FBXL2: variants seen among roughly 807,000 people sequenced by gnomAD.
The protein encoded by FBXL2 is F-box and leucine rich repeat protein 2, also known as F-box/LRR-repeat protein 2.
Under a neutral mutation model 69.2 loss-of-function variants are expected in FBXL2, and 38 were observed. The ratio of observed to expected loss-of-function variants is 0.55; its 90% confidence interval spans 0.42 to 0.72. The LOEUF (loss-of-function observed/expected upper bound fraction) is 0.72, where lower values mean the gene tolerates loss of function less well. Ranked by LOEUF, FBXL2 falls within the 30% of genes least tolerant of loss-of-function variation. The pLI is 0.00. For synonymous variants in FBXL2, 192 were observed against 201.3 expected (o/e 0.95, Z 0.39); for missense variants, 354 against 520.3 (o/e 0.68, Z 3.11).
At chr3:33,401,062 T>C in intron 12 of FBXL2, 2 of 1,528,098 alleles carry the variant, frequency 1.3e-6, no homozygotes, top group East Asian at 2.4e-5. Flanking sequence ...TTATAATACA[T>C]ATATGTTTTA....
downstream of FBXL2, chr3:33,392,773 G>A (rs192957291): frequency 3.4e-5 from 22 of 644,192 alleles, no homozygotes; most frequent in Admixed American, 6.5e-4. Context: ...ATGCACACGT[G>A]CTGCACTGCC....
At position 33,378,087 on chromosome 3, in the gene FBXL2, TTG is replaced by T. The variant is rs1407840139; in HGVS notation, c.850-13_850-12del. On this transcript the variant is annotated splice_polypyrimidine_tract_variant and intron_variant, in intron 11 of 14. Coordinates refer to ENST00000484457, the MANE Select transcript of FBXL2 (RefSeq NM_012157.5). ...CACTGACTCACATGTGGGGTGTGTC[TTG>T]TGGACTCTTCCAGAATTGCCACGAA... 4.3e-6 allele frequency: 7 copies of T among 1,614,098 alleles called. No individual in the cohort carries two copies. The highest frequency in any genetic ancestry group is 5.1e-6 in the Non-Finnish European group (6 of 1,179,916).
chr3:33,304,956 C>T (rs939039068), intron 2 of FBXL2, among the ~76,000 whole-genome samples: 3 of 151,872 alleles, frequency 2.0e-5, no homozygotes, highest in East Asian at 1.9e-4. Flanking sequence ...CAGTGAAACA[C>T]GTATTTTTGT....
chr3:33,340,267 G>C (rs2039913001), intron 2 of FBXL2, among the ~76,000 whole-genome samples: 1 of 152,080 alleles, frequency 6.6e-6, no homozygotes, highest in African/African-American at 2.4e-5. Context: ...GTGGATGAAT[G>C]TTATACTTTA....
chr3:33,330,704 A>G (rs1226364350), intron 2 of FBXL2, among the ~76,000 whole-genome samples: 1 of 152,148 alleles, frequency 6.6e-6, no homozygotes, highest in African/African-American at 2.4e-5. Context: ...CCTGGCCAGC[A>G]TGGCAAAACC....
the FBXL2 span, among the ~76,000 whole-genome samples, chr3:33,410,121 C>T: frequency 6.6e-6 from 1 of 152,206 alleles, no homozygotes; most frequent in Non-Finnish European, 1.5e-5. Flanking sequence ...AACCCACTAC[C>T]CATCCTATTC....
downstream of FBXL2, chr3:33,392,697 TC>T: frequency 7.4e-7 from 1 of 1,344,916 alleles, no homozygotes; most frequent in Non-Finnish European, 1.0e-6. Context: ...TAAATATTCT[TC>T]TCAAACAAAC....
intron 13 of FBXL2, among the ~76,000 whole-genome samples, chr3:33,380,666 T>G (rs1045053667): frequency 2.0e-5 from 3 of 152,040 alleles, no homozygotes; most frequent in Non-Finnish European, 4.4e-5. Context: ...TTTGAGAAAT[T>G]CTTTGTGCAA....
the FBXL2 span, among the ~76,000 whole-genome samples, chr3:33,420,894 G>C: frequency 6.6e-6 from 1 of 152,180 alleles, no homozygotes; most frequent in Non-Finnish European, 1.5e-5. Flanking sequence ...AAAATGCTGG[G>C]ATTACAGGTG....
At position 33,387,388 on chromosome 3, in the gene FBXL2, G is replaced by A. The variant is rs947631710; in HGVS notation, c.*1780G>A. 1.3e-5 allele frequency: 2 copies of A among 151,816 alleles called. No individual in the cohort carries two copies. The highest frequency in any genetic ancestry group is 2.0e-4 in the East Asian group (1 of 5,104). The allele number at this position is 151,816 out of a possible 1,614,324, so 9.4% of individuals were successfully genotyped here. A position where few individuals can be genotyped will look rare whatever the true frequency, so the allele number is the denominator to read the frequency against. ...AGGCCAAGGCGGGTGGATCACCTGA[G>A]GTCAGGAGTTTGAGACCAGCCTGGC... is the stretch of plus-strand genomic sequence containing the variant. On this transcript the variant is annotated 3_prime_UTR_variant, in exon 15 of 15. Coordinates refer to ENST00000484457, the MANE Select transcript of FBXL2 (RefSeq NM_012157.5).
At chr3:33,349,452 C>G (rs2040679485) in intron 2 of FBXL2, among the ~76,000 whole-genome samples, 1 of 152,150 alleles carries the variant, frequency 6.6e-6, no homozygotes, top group Non-Finnish European at 1.5e-5. Flanking sequence ...TGGGATAACT[C>G]TCACGTGTTC....
intron 1 of FBXL2, among the ~76,000 whole-genome samples, chr3:33,291,983 G>A (rs2125700684): frequency 6.6e-6 from 1 of 152,206 alleles, no homozygotes; most frequent in South Asian, 2.1e-4. Context: ...GATATACCAT[G>A]CAAAAAGCAT....
At chr3:33,283,914 T>C (rs943330688) in intron 1 of FBXL2, among the ~76,000 whole-genome samples, 3 of 152,254 alleles carry the variant, frequency 2.0e-5, no homozygotes, top group Admixed American at 6.5e-5. Flanking sequence ...TGATCTTTTA[T>C]TGCGTCTATT....
At chr3:33,318,570 G>A (rs2037908511) in intron 2 of FBXL2, among the ~76,000 whole-genome samples, 1 of 152,046 alleles carries the variant, frequency 6.6e-6, no homozygotes, top group Admixed American at 6.6e-5. Flanking sequence ...AGCTTCAGAT[G>A]CATGTTTCCT....
At chr3:33,390,380 G>A, downstream of FBXL2, 1 of 1,613,756 alleles carries the variant, frequency 6.2e-7, no homozygotes, top group Non-Finnish European at 8.5e-7. Flanking sequence ...TGCAGAAAAA[G>A]GAAAGACAGT....
chr3:33,374,601 C>T (rs1341376836), intron 9 of FBXL2, among the ~76,000 whole-genome samples: 2 of 152,142 alleles, frequency 1.3e-5, no homozygotes, highest in Non-Finnish European at 1.5e-5. Context: ...TATGGACAAA[C>T]GTTGACCATA....
intron 12 of FBXL2, among the ~76,000 whole-genome samples, chr3:33,402,190 C>T (rs983021731): frequency 3.3e-5 from 5 of 152,310 alleles, no homozygotes; most frequent in African/African-American, 7.2e-5. Flanking sequence ...AATGGAAAGC[C>T]GCCATGGGGT....
At chr3:33,380,115 C>T (rs1317684317) in intron 13 of FBXL2, among the ~76,000 whole-genome samples, 1 of 151,498 alleles carries the variant, frequency 6.6e-6, no homozygotes, top group Non-Finnish European at 1.5e-5. Context: ...GTCCCAGCTA[C>T]TCTGGAGGCT....
the FBXL2 span, among the ~76,000 whole-genome samples, chr3:33,408,983 G>A: frequency 1.3e-5 from 2 of 152,116 alleles, no homozygotes; most frequent in Non-Finnish European, 2.9e-5. Context: ...TAAGTCTCTT[G>A]CCAACTTCAA....
Sources: gnomAD v4.1 joint callset for allele counts (sites outside exome capture counted in the v4.1 genomes callset) on GRCh38, gnomAD v4.1.1 for gene constraint, MANE v1.5 for transcripts, NCBI Gene and HGNC (gene_info 2026-07-23, HGNC 2026-07-21) for gene names.